GPX4: variants seen among roughly 807,000 people sequenced by gnomAD.
GPX4 encodes glutathione peroxidase 4, also known as phospholipid hydroperoxide glutathione peroxidase GPX4.
In GPX4, 28 loss-of-function variants were observed where a neutral mutation model predicts 27.8. The observed-to-expected ratio is 1.01, with a 90% CI of 0.75 to 1.38. The LOEUF is 1.38. Ranked by LOEUF, GPX4 falls within the 40% of genes most tolerant of loss-of-function variation. The pLI is 0.00. For synonymous variants in GPX4, 163 were observed against 107.8 expected (o/e 1.51, Z -3.17); for missense variants, 357 against 274.1 (o/e 1.30, Z -2.14).
rs889042141 is a variant in GPX4, at chr19:1,104,766, G to C, written c.85-420G>C. The C allele has an allele frequency of 7.1e-6, 7 of 986,962 alleles. No homozygotes were observed. Among genetic ancestry groups the C allele is most frequent in the African/African-American group, 1.7e-5 (1 of 57,168 alleles). The allele number at this position is 986,962 out of a possible 1,614,324, so 61.1% of individuals were successfully genotyped here. On this transcript the variant is annotated intron_variant, in intron 1 of 6. Coordinates refer to ENST00000354171, the MANE Select transcript of GPX4 (RefSeq NM_002085.5). ...CGCGCGGGCGCAGGCTCCCCCGGGC[G>C]CCGCAGGCAGCGGTGCCAGAGCCGG... is the stretch of plus-strand genomic sequence containing the variant.
At position 1,104,057 on chromosome 19, in the gene GPX4, G is replaced by A. The variant is rs1230182165; in HGVS notation, c.14G>A (p.Arg5His). 1.3e-6 allele frequency: 2 copies of A among 1,519,138 alleles called. No homozygotes were observed. The highest frequency in any genetic ancestry group is 1.8e-6 in the Non-Finnish European group (2 of 1,139,890). 94.1% of individuals were successfully genotyped at this position (1,519,138 alleles called of 1,614,324 possible). ...AGCCCCGCCGCGATGAGCCTCGGCCGCCTTTGCCGCCTACTGAAGCCGGCG... is the reference window on the plus strand; with the variant it reads ...AGCCCCGCCGCGATGAGCCTCGGCCACCTTTGCCGCCTACTGAAGCCGGCG... MSLG[R>H]LCRLLKPALL... Residue 5 changes from arginine (R) to histidine (H), a missense_variant, in exon 1 of 7, where the codon CGC (arginine) becomes CAC (histidine). Arg to His is a conservative substitution (Grantham distance 29, BLOSUM62 0). Transcript: ENST00000354171.
chr19:1,106,049 G>A (rs1363927433), intron 4 of GPX4, 193 bp from the exon 5 acceptor site: 13 of 685,574 alleles, frequency 1.9e-5, no homozygotes, highest in Admixed American at 5.9e-5. Flanking sequence ...TGGCTCGGGG[G>A]CCTGTGGGGG....
intron 4 of GPX4, 145 bp downstream of exon 4, chr19:1,105,954 TG>T (rs1235075013): frequency 1.6e-5 from 15 of 947,754 alleles, no homozygotes; most frequent in Admixed American, 2.4e-5. Context: ...CGTGGCCTCC[TG>T]GGGGTAAGAT....
At chr19:1,104,949 A>C in intron 1 of GPX4, 4 of 1,471,940 alleles carry the variant, frequency 2.7e-6, no homozygotes, top group Non-Finnish European at 3.6e-6. Flanking sequence ...GGGCCCCCAC[A>C]CCGGCTAATG....
At position 1,105,812 on chromosome 19, in the gene GPX4, G is replaced by A. The variant is rs778266724; in HGVS notation, c.476+3G>A. ...AAGGGCAAGGGCATCCTGGGAAAGT[G>A]CGTGACCTCTGGGGACAGTACGGCT... On this transcript the variant is annotated splice_donor_region_variant and intron_variant, in intron 4 of 6. Coordinates refer to ENST00000354171, the MANE Select transcript of GPX4 (RefSeq NM_002085.5). The A allele has an allele frequency of 4.5e-6, 7 of 1,559,874 alleles. No individual in the cohort carries two copies. Among genetic ancestry groups the A allele is most frequent in the Non-Finnish European group, 6.1e-6 (7 of 1,152,172 alleles).
rs746840072 is a variant in GPX4 at position 1,106,714 on chromosome 19, G to C, written c.*142G>C. ...GCACCCCGCCGGAGGAAGGTCCCAT[G>C]GCCTGCTGGGCTTGGCTCGGCGCCC... On this transcript the variant is annotated 3_prime_UTR_variant, in exon 7 of 7. Coordinates refer to ENST00000354171, the MANE Select transcript of GPX4 (RefSeq NM_002085.5). 35 of 1,124,044 alleles carry C rather than the reference G, an allele frequency of 3.1e-5. No homozygotes were observed. Among genetic ancestry groups the C allele is most frequent in the Non-Finnish European group, 4.3e-5 (34 of 799,218 alleles). The allele number at this position is 1,124,044 out of a possible 1,614,324, so 69.6% of individuals were successfully genotyped here.
At chr19:1,104,350 G>C (rs2079623431) in intron 1 of GPX4, 1 of 482,604 alleles carries the variant, frequency 2.1e-6, no homozygotes, top group Non-Finnish European at 3.5e-6. Context: ...GGCTGGGGTC[G>C]GGGAAGGGGA....
At position 1,105,463 on chromosome 19, in the gene GPX4, T is replaced by G. The variant is rs1310801506; in HGVS notation, c.277T>G (p.Cys93Gly). The stretch of plus-strand genomic sequence containing the variant: ...CGACCTGCACGCCCGATACGCTGAG[T>G]GTGGTTTGCGGATCCTGGCCTTCCC... ...LVDLHARYAE[C>G]GLRILAFPCN... Residue 93 changes from cysteine (C) to glycine (G), a missense_variant, in exon 3 of 7, where the codon TGT (cysteine) becomes GGT (glycine). Coordinates refer to ENST00000354171, the MANE Select transcript of GPX4 (RefSeq NM_002085.5). 6.2e-7 allele frequency: 1 copy of G among 1,612,094 alleles called. No individual in the cohort carries two copies. Among genetic ancestry groups the G allele is most frequent in the Admixed American group, 1.7e-5 (1 of 59,986 alleles).
Position 1,104,103 on chromosome 19 carries a change from C to G in GPX4, c.60C>G (p.Ala20=). The G allele has an allele frequency of 6.6e-7, 1 of 1,505,806 alleles. No homozygotes were observed. Among genetic ancestry groups the G allele is most frequent in the South Asian group, 1.2e-5 (1 of 80,894 alleles). 93.3% of individuals were successfully genotyped at this position (1,505,806 alleles called of 1,614,324 possible). A position where few individuals can be genotyped will look rare whatever the true frequency, so the allele number is the denominator to read the frequency against. The change falls in exon 1 of 7, where the codon GCC becomes GCG. Residue 20 remains alanine (A), a synonymous_variant. Transcript: ENST00000354171. ...LKPALLCGAL[A]APGLAGTMCA... is the part of the protein sequence containing the mutation. ...CGGCGCTGCTCTGTGGGGCTCTGGC[C>G]GCGCCTGGCCTGGCCGGGACCATGG...
Position 1,105,731 on chromosome 19 carries a change from T to C in GPX4, c.398T>C (p.Ile133Thr), listed in dbSNP as rs780265532. The C allele has an allele frequency of 2.5e-6, 4 of 1,607,470 alleles. No homozygotes were observed. In the Admixed American group the frequency reaches 6.8e-5, roughly 27 times the overall value. ...YNVKFDMFSK[I>T]CVNGDDAHPL... ...GTCAAATTCGATATGTTCAGCAAGA[T>C]CTGCGTGAACGGGGACGACGCCCAC... Residue 133 changes from isoleucine (I) to threonine (T), a missense_variant, in exon 4 of 7, where the codon ATC becomes ACC. By Grantham distance (89) the Ile-to-Thr change is moderately conservative (BLOSUM62 -1). Transcript: ENST00000354171.
chr19:1,104,573 G>T (rs1204533065), intron 1 of GPX4: 2 of 957,574 alleles, frequency 2.1e-6, no homozygotes, highest in East Asian at 1.1e-4. Flanking sequence ...CGGAGGGCTG[G>T]AAATCCCGGA....
In GPX4 at chr19:1,105,940, A is replaced by T. The variant is rs2079647228; in HGVS notation, c.476+131A>T. 6.4e-6 allele frequency: 7 copies of T among 1,101,078 alleles called. No individual in the cohort carries two copies. In the South Asian group the frequency reaches 9.1e-5, roughly 14 times the overall value. 68.2% of individuals were successfully genotyped at this position (1,101,078 alleles called of 1,614,324 possible). A position where few individuals can be genotyped will look rare whatever the true frequency, so the allele number is the denominator to read the frequency against. ...TGCGGGGAGGTGCTGGGACTCTCAC[A>T]TCGCGTGGCCTCCTGGGGGTAAGAT... is the stretch of plus-strand genomic sequence containing the variant. On this transcript the variant is annotated intron_variant, in intron 4 of 6. Coordinates refer to ENST00000354171, the MANE Select transcript of GPX4 (RefSeq NM_002085.5).
rs1396484425 is a variant in GPX4 at position 1,106,270 on chromosome 19, AG to A, written c.501+9del. Reference sequence around the variant, plus strand: ...CATCAAGTGGAACTTCACCAAGGTAAGGGGGCTGTGGGGGGTAGGGGACCAG... The same window carrying A: ...CATCAAGTGGAACTTCACCAAGGTAAGGGGCTGTGGGGGGTAGGGGACCAG... On this transcript the variant is annotated splice_donor_5th_base_variant and intron_variant, in intron 5 of 6. Coordinates refer to ENST00000354171, the MANE Select transcript of GPX4 (RefSeq NM_002085.5). 3.6e-5 allele frequency: 54 copies of A among 1,509,120 alleles called. No individual in the cohort carries two copies. The highest frequency in any genetic ancestry group is 4.7e-5 in the Non-Finnish European group (53 of 1,118,638). The allele number at this position is 1,509,120 out of a possible 1,614,324, so 93.5% of individuals were successfully genotyped here.
intron 1 of GPX4, chr19:1,104,357 G>A: frequency 2.1e-6 from 1 of 482,298 alleles, no homozygotes; most frequent in Non-Finnish European, 3.5e-6. Flanking sequence ...GTCGGGGAAG[G>A]GGAAGGGGTT....
chr19:1,104,578 C>G, intron 1 of GPX4: 4 of 964,806 alleles, frequency 4.1e-6, no homozygotes, highest in Non-Finnish European at 3.7e-6. Context: ...GGCTGGAAAT[C>G]CCGGATCACG....
chr19:1,104,763 G>A, intron 1 of GPX4: 6 of 986,844 alleles, frequency 6.1e-6, no homozygotes, highest in Non-Finnish European at 6.0e-6. Context: ...GGCTCCCCCG[G>A]GCGCCGCAGG....
rs551922675 is a variant in GPX4, at chr19:1,104,304, G to A, written c.84+177G>A. On this transcript the variant is annotated intron_variant, in intron 1 of 6. Coordinates refer to ENST00000354171, the MANE Select transcript of GPX4 (RefSeq NM_002085.5). ...CGGACGCGGGTGACCGTACTGCGAC[G>A]CGCTCCGCGGCCCTCCAGGCCGTTG... The A allele has an allele frequency of 1.6e-3, 920 of 572,928 alleles. 14 individuals carry two copies. The highest frequency in any genetic ancestry group is 0.012 in the Middle Eastern group (25 of 2,024). 35.5% of individuals were successfully genotyped at this position (572,928 alleles called of 1,614,324 possible). A position where few individuals can be genotyped will look rare whatever the true frequency, so the allele number is the denominator to read the frequency against.
Position 1,104,078 on chromosome 19 carries a change from C to T in GPX4, c.35C>T (p.Pro12Leu), listed in dbSNP as rs945018469. ...GGCCGCCTTTGCCGCCTACTGAAGC[C>T]GGCGCTGCTCTGTGGGGCTCTGGCC... is the stretch of plus-strand genomic sequence containing the variant. The part of the protein sequence containing the change: ...SLGRLCRLLK[P>L]ALLCGALAAP... The change falls in exon 1 of 7, where the codon CCG (proline) becomes CTG (leucine). Residue 12 changes from proline (P) to leucine (L), a missense_variant. By Grantham distance (98) the Pro-to-Leu change is moderately conservative. Transcript: ENST00000354171. 2 of 1,518,700 alleles carry T rather than the reference C, an allele frequency of 1.3e-6. No individual in the cohort carries two copies. The highest frequency in any genetic ancestry group is 2.6e-5 in the East Asian group (1 of 38,420). The allele number at this position is 1,518,700 out of a possible 1,614,324, so 94.1% of individuals were successfully genotyped here. A position where few individuals can be genotyped will look rare whatever the true frequency, so the allele number is the denominator to read the frequency against.
chr19:1,105,120 C>G, intron 1 of GPX4, 66 bp from the exon 2 acceptor site: 2 of 1,581,278 alleles, frequency 1.3e-6, no homozygotes, highest in East Asian at 2.3e-5. Flanking sequence ...CCGATCCCTT[C>G]CTGCCTCAGG....
Sources: allele counts gnomAD v4.1 joint callset, GRCh38; gene constraint gnomAD v4.1.1; transcripts MANE v1.5; gene names NCBI Gene and HGNC (gene_info 2026-07-23, HGNC 2026-07-21).